Variants in TENM3 observed in about 807,000 individuals in gnomAD.
TENM3 encodes teneurin-3.
Under a neutral mutation model 255.1 loss-of-function variants are expected in TENM3, and 63 were observed. The observed-to-expected ratio is 0.25, with a 90% confidence interval of 0.20 to 0.30. The LOEUF is 0.30. Among genes scored for constraint, TENM3 ranks in the 10% least tolerant of loss-of-function variants. The probability of loss-of-function intolerance (pLI) is 1.00; values close to 1 mark genes in which losing one functional copy is unlikely to be tolerated. For missense variants in TENM3, 2,929 were observed against 3,461.1 expected (o/e 0.85, Z 3.86); for synonymous variants, 1,306 against 1,322.3 (o/e 0.99, Z 0.27).
At chr4:182,589,242 C>T (rs946814028) in intron 3 of TENM3, among the ~76,000 whole-genome samples, 9 of 151,960 alleles carry the variant, frequency 5.9e-5, no homozygotes, top group African/African-American at 2.2e-4. Context: ...TGTAAGCACT[C>T]TTTATCTTTC....
intron 1 of TENM3, among the ~76,000 whole-genome samples, chr4:182,293,962 T>C (rs182846131): frequency 6.6e-6 from 1 of 152,200 alleles, no homozygotes; most frequent in Admixed American, 6.5e-5. Flanking sequence ...ATTAGTGGCA[T>C]GTGTGGGGAG....
At chr4:182,654,545 C>G (rs1001745299) in intron 6 of TENM3, among the ~76,000 whole-genome samples, 4 of 151,966 alleles carry the variant, frequency 2.6e-5, no homozygotes, top group Admixed American at 2.0e-4. Context: ...GTGTACATGT[C>G]TTGGCCTTGG....
the TENM3 span, among the ~76,000 whole-genome samples, chr4:181,843,277 T>C: frequency 6.6e-6 from 1 of 152,200 alleles, no homozygotes; most frequent in African/African-American, 2.4e-5. Flanking sequence ...TAGAAAACAC[T>C]AGAGCTTTAC....
At chr4:182,302,323 T>A (rs2150374469) in intron 1 of TENM3, among the ~76,000 whole-genome samples, 1 of 152,284 alleles carries the variant, frequency 6.6e-6, no homozygotes, top group African/African-American at 2.4e-5. Context: ...GAAAGTCATG[T>A]TAAAGATGCT....
chr4:182,304,008 T>A (rs1342919894), intron 1 of TENM3, among the ~76,000 whole-genome samples: 1 of 152,160 alleles, frequency 6.6e-6, no homozygotes, highest in Non-Finnish European at 1.5e-5. Context: ...TGGAGACATA[T>A]AAATGTGATA....
chr4:182,625,675 A>C (rs997288546), intron 4 of TENM3, among the ~76,000 whole-genome samples: 2 of 152,274 alleles, frequency 1.3e-5, no homozygotes, highest in East Asian at 1.9e-4. Flanking sequence ...GTTTGCCAGG[A>C]CTTTTTAGGG....
At chr4:181,939,539 A>G in the TENM3 span, among the ~76,000 whole-genome samples, 1 of 152,248 alleles carries the variant, frequency 6.6e-6, no homozygotes, top group Admixed American at 6.5e-5. Context: ...CAAAACGGTA[A>G]GATCGGAAAC....
intron 12 of TENM3, among the ~76,000 whole-genome samples, chr4:182,702,376 C>A (rs1358844435): frequency 6.6e-6 from 1 of 152,114 alleles, no homozygotes; most frequent in African/African-American, 2.4e-5. Flanking sequence ...CAGAATGGAC[C>A]CTGGGGCTTA....
chr4:182,114,632 A>T, the TENM3 span, among the ~76,000 whole-genome samples: 1 of 152,158 alleles, frequency 6.6e-6, no homozygotes, highest in African/African-American at 2.4e-5. Flanking sequence ...TAAGTAATAA[A>T]CATCTTCTGT....
chr4:182,453,330 G>T (rs1179631457), intron 3 of TENM3, among the ~76,000 whole-genome samples: 1 of 152,114 alleles, frequency 6.6e-6, no homozygotes, highest in Non-Finnish European at 1.5e-5. Flanking sequence ...TTTTACAAGG[G>T]AGGAATAATA....
intron 4 of TENM3, among the ~76,000 whole-genome samples, chr4:182,605,502 G>A (rs1349756065): frequency 1.5e-5 from 2 of 129,086 alleles, no homozygotes; most frequent in African/African-American, 2.8e-5. Flanking sequence ...AAAAAAAAAA[G>A]GGAAAGTCAA....
the TENM3 span, among the ~76,000 whole-genome samples, chr4:181,902,043 C>T: frequency 5.9e-5 from 9 of 151,874 alleles, no homozygotes; most frequent in African/African-American, 1.7e-4. Flanking sequence ...CAGACAGAAA[C>T]GTATGGCTTT....
chr4:181,597,637 GAGA>G, the TENM3 span, among the ~76,000 whole-genome samples: 1 of 151,996 alleles, frequency 6.6e-6, no homozygotes. Flanking sequence ...AGTCTCCCTG[GAGA>G]AGGAGTGTTG....
the TENM3 span, among the ~76,000 whole-genome samples, chr4:181,978,484 T>TA: frequency 2.0e-5 from 3 of 151,866 alleles, no homozygotes; most frequent in East Asian, 5.8e-4. Flanking sequence ...CCATCTCTAC[T>TA]AAAAATACAA....
chr4:181,687,132 A>T, the TENM3 span, among the ~76,000 whole-genome samples: 1 of 152,180 alleles, frequency 6.6e-6, no homozygotes, highest in Non-Finnish European at 1.5e-5. Flanking sequence ...AGACCTTCCA[A>T]ATAAAATTTT....
the TENM3 span, among the ~76,000 whole-genome samples, chr4:181,496,736 T>C: frequency 3.3e-5 from 5 of 152,188 alleles, no homozygotes. Context: ...GAATGTCAAA[T>C]GAATTAATAA....
At chr4:181,979,910 G>A in the TENM3 span, among the ~76,000 whole-genome samples, 1 of 152,156 alleles carries the variant, frequency 6.6e-6, no homozygotes, top group African/African-American at 2.4e-5. Context: ...CAGGCCAAGT[G>A]GTAGGTGTAG....
chr4:182,366,562 A>G (rs2150823636), intron 3 of TENM3, among the ~76,000 whole-genome samples: 1 of 152,236 alleles, frequency 6.6e-6, no homozygotes, highest in East Asian at 1.9e-4. Flanking sequence ...CGTCTAATAA[A>G]TATACGCTAA....
intron 1 of TENM3, among the ~76,000 whole-genome samples, chr4:182,236,517 T>G (rs1208197218): frequency 1.3e-5 from 2 of 152,362 alleles, no homozygotes; most frequent in East Asian, 3.9e-4. Flanking sequence ...GGCAATTACT[T>G]CTATTTCACA....
Sources: gnomAD v4.1 joint callset for allele counts (sites outside exome capture counted in the v4.1 genomes callset) on GRCh38, gnomAD v4.1.1 for gene constraint, MANE v1.5 for transcripts, NCBI Gene and HGNC (gene_info 2026-07-23, HGNC 2026-07-21) for gene names.